Variants in EVPLL observed in about 807,000 individuals in gnomAD.
The protein encoded by EVPLL is envoplakin-like protein.
A neutral mutation model predicts 46.2 loss-of-function variants in EVPLL; 39 were observed. That is an observed-to-expected ratio of 0.84 (90% confidence interval 0.65 to 1.10). EVPLL has a LOEUF of 1.10. Ranked by LOEUF, EVPLL falls within the 50% of genes least tolerant of loss-of-function variation. The pLI is 0.00. For missense variants in EVPLL, 385 were observed against 412.6 expected (o/e 0.93, Z 0.58); for synonymous variants, 156 against 165.8 (o/e 0.94, Z 0.46).
intron 8 of EVPLL, 47 bp from the exon 9 acceptor site, chr17:18,383,445 G>T: frequency 6.5e-7 from 1 of 1,535,646 alleles, no homozygotes; most frequent in Non-Finnish European, 8.8e-7. Flanking sequence ...GTGGACGTGG[G>T]TGCGGGGGCG....
intron 9 of EVPLL, chr17:18,386,322 A>G (rs1305465872): frequency 6.6e-6 from 1 of 152,034 alleles, no homozygotes; most frequent in African/African-American, 2.4e-5. Context: ...ATTTTAACTT[A>G]TTTCCATAAG....
At chr17:18,378,026 G>C in intron 1 of EVPLL, 43 bp downstream of exon 1, 1 of 604,650 alleles carries the variant, frequency 1.7e-6, no homozygotes, top group Non-Finnish European at 2.6e-6. Context: ...GCTAGGGTGG[G>C]GGTGGTGCCA....
chr17:18,386,201 G>A (rs1228451952), intron 9 of EVPLL, among the ~76,000 whole-genome samples: 1 of 152,058 alleles, frequency 6.6e-6, no homozygotes, highest in African/African-American at 2.4e-5. Flanking sequence ...TGGCCTTCCC[G>A]GTGTCTCTTC....
intron 6 of EVPLL, 69 bp from the exon 7 acceptor site, chr17:18,382,956 C>G (rs978018856): frequency 8.9e-6 from 14 of 1,575,296 alleles, no homozygotes; most frequent in Admixed American, 3.8e-5. Flanking sequence ...TGAGCGCCGC[C>G]CAATGGCGCC....
chr17:18,382,714 C>A, intron 5 of EVPLL, 76 bp downstream of exon 5: 1 of 1,452,976 alleles, frequency 6.9e-7, no homozygotes, highest in Non-Finnish European at 9.4e-7. Context: ...GGAGCTAGAT[C>A]GGCTGGGCCC....
intron 1 of EVPLL, among the ~76,000 whole-genome samples, chr17:18,379,226 G>A (rs1298363417): frequency 6.6e-6 from 1 of 152,230 alleles, no homozygotes; most frequent in Admixed American, 6.5e-5. Flanking sequence ...CCACTCACTG[G>A]CTTCAGCTCA....
In EVPLL at chr17:18,383,043, G is replaced by C. The variant is rs1239288883; in HGVS notation, c.530G>C (p.Arg177Pro). The C allele has an allele frequency of 1.3e-6, 2 of 1,559,566 alleles. No homozygotes were observed. The highest frequency in any genetic ancestry group is 2.7e-5 in the African/African-American group (2 of 73,702). Residue 177 changes from arginine (R) to proline (P), a missense_variant, in exon 7 of 11, where the codon CGG becomes CCG. Transcript: ENST00000399134. Reference sequence around the variant, plus strand: ...AGCACAGAGGGCGGCGTCGTGGCGCGGGCAGAGCCTGGGCAGCCTGTACAC... The same window carrying C: ...AGCACAGAGGGCGGCGTCGTGGCGCCGGCAGAGCCTGGGCAGCCTGTACAC... ...PRPTEGGVVA[R>P]AEPGQPVHAL...
intron 6 of EVPLL, 72 bp downstream of exon 6, chr17:18,382,936 C>A: frequency 6.3e-7 from 1 of 1,592,408 alleles, no homozygotes; most frequent in South Asian, 1.1e-5. Context: ...CTGCCCGGGG[C>A]CAGTGTTCCT....
In EVPLL at chr17:18,386,780, T is replaced by A. The variant is rs371923431; in HGVS notation, c.877-1439T>A. Among the ~76,000 whole-genome samples the A allele has an allele frequency of 1.7e-4, 26 of 152,214 alleles. No homozygotes were observed. The South Asian group carries it at 5.4e-3, about 32-fold the overall frequency. ...TTCTGCTTGAACCCAAGGGGCTCTATAGGGTGCTTCTGGAACAGCCGGGGT... is the reference window on the plus strand; with the variant it reads ...TTCTGCTTGAACCCAAGGGGCTCTAAAGGGTGCTTCTGGAACAGCCGGGGT... On this transcript the variant is annotated intron_variant, in intron 9 of 10. Transcript: ENST00000399134.
intron 9 of EVPLL, 176 bp from the exon 10 acceptor site, chr17:18,388,043 C>CATATATATATATATATGT (rs555012137): frequency 6.0e-6 from 1 of 166,708 alleles, no homozygotes; most frequent in African/African-American, 3.2e-5. Flanking sequence ...TATATATATA[C>CATATATATATATATATGT]ATATATATGT....
chr17:18,384,788 G>T (rs1987714458), intron 9 of EVPLL, among the ~76,000 whole-genome samples: 1 of 152,196 alleles, frequency 6.6e-6, no homozygotes, highest in Non-Finnish European at 1.5e-5. Flanking sequence ...TGGTGCAGGG[G>T]GCACTGGGCC....
Position 18,377,943 on chromosome 17 carries a change from G to C in EVPLL, c.-77G>C. 1 of 1,086,896 alleles carries C rather than the reference G, an allele frequency of 9.2e-7. No individual in the cohort carries two copies. The highest frequency in any genetic ancestry group is 1.3e-6 in the Non-Finnish European group (1 of 786,074). 67.3% of individuals were successfully genotyped at this position (1,086,896 alleles called of 1,614,324 possible). ...GAAGGGGTCCCCCAAGGACTCCCCAGCCAAGGGGTCCCCCAAAGGCTCCCC... is the reference window on the plus strand; with the variant it reads ...GAAGGGGTCCCCCAAGGACTCCCCACCCAAGGGGTCCCCCAAAGGCTCCCC... On this transcript the variant is annotated 5_prime_UTR_variant, in exon 1 of 11. Coordinates refer to ENST00000399134, the MANE Select transcript of EVPLL (RefSeq NM_001145127.2).
At chr17:18,385,877 G>A (rs1012763104) in intron 9 of EVPLL, among the ~76,000 whole-genome samples, 2 of 152,078 alleles carry the variant, frequency 1.3e-5, no homozygotes, top group Non-Finnish European at 2.9e-5. Flanking sequence ...GCACCCCGCC[G>A]TCCCCACCCT....
intron 1 of EVPLL, among the ~76,000 whole-genome samples, chr17:18,379,302 G>T (rs923417429): frequency 7.2e-5 from 11 of 152,242 alleles, no homozygotes; most frequent in African/African-American, 2.7e-4. Context: ...ATGAAAAGCT[G>T]GTGTGGGAGT....
chr17:18,383,401 G>A, intron 8 of EVPLL, 23 bp downstream of exon 8: 1 of 1,454,160 alleles, frequency 6.9e-7, no homozygotes, highest in Non-Finnish European at 9.3e-7. Flanking sequence ...CAGGGCGAGA[G>A]TGAGAAGGGA....
At chr17:18,380,686 C>A (rs1987533960) in intron 1 of EVPLL, 2 of 534,066 alleles carry the variant, frequency 3.7e-6, no homozygotes, top group Non-Finnish European at 6.8e-6. Flanking sequence ...AGACCTGAGA[C>A]CCTCACCTTT....
chr17:18,377,962 G>T lies in EVPLL; in HGVS notation c.-58G>T, dbSNP rs552534748. 103 of 1,034,282 alleles carry T rather than the reference G, an allele frequency of 1.0e-4. No individual in the cohort carries two copies. Among genetic ancestry groups the T allele is most frequent in the East Asian group, 7.2e-4 (22 of 30,372 alleles). 64.1% of individuals were successfully genotyped at this position (1,034,282 alleles called of 1,614,324 possible). A position where few individuals can be genotyped will look rare whatever the true frequency, so the allele number is the denominator to read the frequency against. The stretch of plus-strand genomic sequence containing the variant: ...TCCCCAGCCAAGGGGTCCCCCAAAG[G>T]CTCCCCCAGCAAGCACAGCTGGTGA... On this transcript the variant is annotated 5_prime_UTR_variant, in exon 1 of 11. Coordinates refer to ENST00000399134, the MANE Select transcript of EVPLL (RefSeq NM_001145127.2).
intron 9 of EVPLL, among the ~76,000 whole-genome samples, chr17:18,384,407 G>A (rs1004942755): frequency 1.3e-5 from 2 of 151,250 alleles, no homozygotes; most frequent in East Asian, 1.9e-4. Flanking sequence ...CTGCACTCCC[G>A]CCTGGGTGAC....
intron 10 of EVPLL, chr17:18,388,494 C>G (rs1375563106): frequency 4.2e-6 from 2 of 474,222 alleles, no homozygotes; most frequent in Non-Finnish European, 7.8e-6. Context: ...CTTCCTGTTC[C>G]TCTGGCTATG....
Sources: allele counts gnomAD v4.1 joint callset (sites outside exome capture counted in the v4.1 genomes callset), GRCh38; gene constraint gnomAD v4.1.1; transcripts MANE v1.5; gene names NCBI Gene and HGNC (gene_info 2026-07-23, HGNC 2026-07-21).